The following PLB1 variants were observed in gnomAD, a reference collection of about 807,000 sequenced individuals.
PLB1 encodes the protein phospholipase B1, also known as phospholipase B1, membrane-associated.
In PLB1, 242 loss-of-function variants were observed where a neutral mutation model predicts 227.4. That is an observed-to-expected ratio of 1.06 (90% CI 0.96 to 1.18). PLB1 has a LOEUF of 1.18. PLB1 is among the 50% of genes most tolerant of loss of function. The pLI is 0.00. For missense variants in PLB1, 1,858 were observed against 1,816.3 expected, an observed-to-expected ratio of 1.02 and a Z score of -0.42; for synonymous variants, 757 against 682.2, an observed-to-expected ratio of 1.11 and a Z score of -1.71.
Position 28,620,592 on chromosome 2 carries a change from C to T in PLB1, c.3384-8C>T. ...GTGAGTTTAACAAATATGCTTTCTC[C>T]TCCCCAGCATTGGAGGGGATGGGAA... is the stretch of plus-strand genomic sequence containing the variant. On this transcript the variant is annotated splice_region_variant and splice_polypyrimidine_tract_variant and intron_variant, in intron 47 of 57. Transcript: ENST00000327757. 1 of 1,612,496 alleles carries T rather than the reference C, an allele frequency of 6.2e-7. No individual in the cohort carries two copies. Among genetic ancestry groups the T allele is most frequent in the East Asian group, 2.2e-5 (1 of 44,862 alleles).
intron 1 of PLB1, among the ~76,000 whole-genome samples, chr2:28,502,799 A>G (rs563861035): frequency 6.6e-6 from 1 of 152,252 alleles, no homozygotes; most frequent in East Asian, 1.9e-4. Context: ...TGTAATAATA[A>G]TGGATTTTTT....
chr2:28,545,786 G>A (rs1325569855), intron 14 of PLB1, among the ~76,000 whole-genome samples: 2 of 152,106 alleles, frequency 1.3e-5, no homozygotes, highest in Non-Finnish European at 2.9e-5. Context: ...AGGTGTACCT[G>A]TTCTGTGTCT....
rs116983121 is a variant in PLB1 at position 28,560,163 on chromosome 2, G to A, written c.1148-2878G>A. Among the ~76,000 whole-genome samples, 56 of 152,208 alleles carry A rather than the reference G, an allele frequency of 3.7e-4. No individual in the cohort carries two copies. In the East Asian group the frequency reaches 0.01, roughly 28 times the overall value. ...ATGTACCAGGGTGGGCCACTCCTTGGTACAAACTCTGTACTAGGCTTCTTC... is the reference window on the plus strand; with the variant it reads ...ATGTACCAGGGTGGGCCACTCCTTGATACAAACTCTGTACTAGGCTTCTTC... On this transcript the variant is annotated intron_variant, in intron 17 of 57. Coordinates refer to ENST00000327757, the MANE Select transcript of PLB1 (RefSeq NM_153021.5).
At chr2:28,595,967 C>G (rs1266828408) in intron 33 of PLB1, 2 of 152,056 alleles carry the variant, frequency 1.3e-5, no homozygotes, top group Non-Finnish European at 2.9e-5. Flanking sequence ...TGTGCTGGGC[C>G]CCAAGGTCTT....
intron 1 of PLB1, among the ~76,000 whole-genome samples, chr2:28,499,112 T>C (rs1355306332): frequency 6.6e-6 from 1 of 150,898 alleles, no homozygotes; most frequent in East Asian, 1.9e-4. Flanking sequence ...TTTTGAAATG[T>C]TTGTTATTGA....
rs111616112 is a variant in PLB1, at chr2:28,535,594, G to A, written c.556-2725G>A. 7.8e-3 allele frequency among the ~76,000 whole-genome samples: 1,190 copies of A among 152,272 alleles called. 14 individuals are homozygous for A. The highest frequency in any genetic ancestry group is 0.027 in the African/African-American group (1,104 of 41,552). On this transcript the variant is annotated intron_variant, in intron 9 of 57. Coordinates refer to ENST00000327757, the MANE Select transcript of PLB1 (RefSeq NM_153021.5). ...TTTATTTTTCTGAAAGCACATCTCA[G>A]GTATAAGCTCTCCCTCGGTGGTTGT...
At position 28,585,866 on chromosome 2, in the gene PLB1, A is replaced by G. The variant is rs781207891; in HGVS notation, c.1815+24A>G. 5 of 1,525,942 alleles carry G rather than the reference A, an allele frequency of 3.3e-6. No homozygotes were observed. The South Asian group carries it at 5.6e-5, about 17-fold the overall frequency. The allele number at this position is 1,525,942 out of a possible 1,614,324, so 94.5% of individuals were successfully genotyped here. A position where few individuals can be genotyped will look rare whatever the true frequency, so the allele number is the denominator to read the frequency against. On this transcript the variant is annotated intron_variant, in intron 26 of 57. Coordinates refer to ENST00000327757, the MANE Select transcript of PLB1 (RefSeq NM_153021.5). ...AGGTAAGCCGGGAAGGGGTTCTAAG[A>G]CTTCCCAGAACTGCTGTGTGATTCG...
At chr2:28,595,712 A>G (rs1361543435) in intron 33 of PLB1, 2 of 152,030 alleles carry the variant, frequency 1.3e-5, no homozygotes, top group Admixed American at 6.6e-5. Context: ...AAGCTTCTAG[A>G]TTGGACAAAC....
chr2:28,628,742 C>A, intron 52 of PLB1, 114 bp downstream of exon 52: 1 of 1,042,550 alleles, frequency 9.6e-7, no homozygotes, highest in Non-Finnish European at 1.5e-6. Context: ...TGAGTGAGCA[C>A]CTGGATGGCA....
At chr2:28,624,071 C>A (rs1431608335) in intron 49 of PLB1, among the ~76,000 whole-genome samples, 1 of 152,172 alleles carries the variant, frequency 6.6e-6, no homozygotes, top group East Asian at 1.9e-4. Flanking sequence ...ACACTCCAGC[C>A]TGGGCAACAG....
At chr2:28,631,226 C>G (rs1427209558) in intron 54 of PLB1, among the ~76,000 whole-genome samples, 3 of 152,076 alleles carry the variant, frequency 2.0e-5, no homozygotes, top group Non-Finnish European at 2.9e-5. Flanking sequence ...TCTCCTTGCC[C>G]TCTCTCTGCC....
At chr2:28,567,108 G>A (rs1677082393) in intron 20 of PLB1, among the ~76,000 whole-genome samples, 1 of 152,300 alleles carries the variant, frequency 6.6e-6, no homozygotes, top group South Asian at 2.1e-4. Flanking sequence ...AAAGGAGGAA[G>A]AAAGTAAAGC....
chr2:28,578,792 A>G (rs189499672), intron 22 of PLB1, among the ~76,000 whole-genome samples: 2 of 152,208 alleles, frequency 1.3e-5, no homozygotes, highest in African/African-American at 2.4e-5. Flanking sequence ...TTTAATGTAC[A>G]TCAAAGTCTA....
chr2:28,537,506 C>A lies in PLB1; in HGVS notation c.556-813C>A, dbSNP rs192728863. Among the ~76,000 whole-genome samples, 943 of 152,070 alleles carry A rather than the reference C, an allele frequency of 6.2e-3. 6 individuals are homozygous for A. Among genetic ancestry groups the A allele is most frequent in the Non-Finnish European group, 0.011 (757 of 67,992 alleles). Reference sequence around the variant, plus strand: ...AGGAGTTTGAGACCAGCCTGGCCAACATGGTGAAACCCTGTCTCTACTAAA... The same window carrying A: ...AGGAGTTTGAGACCAGCCTGGCCAAAATGGTGAAACCCTGTCTCTACTAAA... On this transcript the variant is annotated intron_variant, in intron 9 of 57. Transcript: ENST00000327757.
chr2:28,527,103 G>A (rs1243979211), intron 6 of PLB1, among the ~76,000 whole-genome samples: 1 of 148,928 alleles, frequency 6.7e-6, no homozygotes. Flanking sequence ...GGCTTGTTTG[G>A]GGGGTGTCTG....
chr2:28,629,302 T>G (rs1034220020), intron 53 of PLB1, 117 bp downstream of exon 53: 1 of 811,502 alleles, frequency 1.2e-6, no homozygotes, highest in Non-Finnish European at 1.9e-6. Context: ...AGGGTAGACA[T>G]GGCTCAGGGG....
chr2:28,515,221 C>T (rs1290921381), intron 1 of PLB1, among the ~76,000 whole-genome samples: 1 of 152,146 alleles, frequency 6.6e-6, no homozygotes, highest in African/African-American at 2.4e-5. Flanking sequence ...TCCTCTATTC[C>T]ACTCCCCCTG....
At chr2:28,527,725 G>A (rs374807091) in intron 6 of PLB1, among the ~76,000 whole-genome samples, 2 of 152,242 alleles carry the variant, frequency 1.3e-5, no homozygotes, top group South Asian at 4.1e-4. Flanking sequence ...GGAACTTGGA[G>A]GCAGTGAGGA....
intron 56 of PLB1, among the ~76,000 whole-genome samples, chr2:28,635,993 G>GTGTATGTATGTGTA (rs1275423190): frequency 2.0e-5 from 3 of 150,668 alleles, no homozygotes; most frequent in African/African-American, 7.4e-5. Context: ...TTGTGTATGT[G>GTGTATGTATGTGTA]TGTATGTATG....
Sources: gnomAD v4.1 joint callset for allele counts (sites outside exome capture counted in the v4.1 genomes callset) on GRCh38, gnomAD v4.1.1 for gene constraint, MANE v1.5 for transcripts, NCBI Gene and HGNC (gene_info 2026-07-23, HGNC 2026-07-21) for gene names.